Variants in LOXHD1 observed in about 807,000 individuals in gnomAD.
The protein encoded by LOXHD1 is lipoxygenase homology PLAT domains 1.
Under a neutral mutation model 248.2 loss-of-function variants are expected in LOXHD1, and 205 were observed. The observed-to-expected ratio is 0.83, with a 90% CI of 0.74 to 0.93. LOXHD1 has a LOEUF of 0.93. Among genes scored for constraint, LOXHD1 ranks in the 40% least tolerant of loss-of-function variants. The pLI, the probability that LOXHD1 is intolerant of heterozygous loss-of-function variation, is 0.00. For synonymous variants in LOXHD1, 1,113 were observed against 1,162.8 expected (o/e 0.96, Z 0.87); for missense variants, 2,930 against 2,971.6 (o/e 0.99, Z 0.33).
intron 33 of LOXHD1, chr18:46,520,395 G>A (rs546035961): frequency 1.2e-5 from 5 of 427,422 alleles, no homozygotes; most frequent in East Asian, 7.1e-5. Flanking sequence ...CCATAGCCAT[G>A]AGCCAAAAAG....
intron 21 of LOXHD1, among the ~76,000 whole-genome samples, chr18:46,554,543 C>T (rs2037241260): frequency 6.6e-6 from 1 of 152,154 alleles, no homozygotes; most frequent in Admixed American, 6.5e-5. Context: ...TTGCTCTTGG[C>T]TTGAAGATTG....
Position 46,597,981 on chromosome 18 carries a change from C to T in LOXHD1, c.1134+3236G>A, listed in dbSNP as rs144624430. Reference sequence around the variant, plus strand: ...ATGGGGTTTCACCATGTTAGCCAGGCTGGTCTCGATCTCCTGACCTCGTGA... The same window carrying T: ...ATGGGGTTTCACCATGTTAGCCAGGTTGGTCTCGATCTCCTGACCTCGTGA... On this transcript the variant is annotated intron_variant, in intron 8 of 40. Transcript: ENST00000642948. 5.1e-3 allele frequency among the ~76,000 whole-genome samples: 767 copies of T among 150,268 alleles called. 6 individuals carry two copies. Among genetic ancestry groups the T allele is most frequent in the African/African-American group, 0.018 (725 of 40,744 alleles).
At chr18:46,543,074 TG>T (rs1477502673) in intron 23 of LOXHD1, among the ~76,000 whole-genome samples, 1 of 152,198 alleles carries the variant, frequency 6.6e-6, no homozygotes, top group Non-Finnish European at 1.5e-5. Context: ...TTTGGTTACA[TG>T]GGTGAGTTAG....
intron 28 of LOXHD1, among the ~76,000 whole-genome samples, chr18:46,532,934 G>A (rs1568148125): frequency 6.6e-6 from 1 of 152,218 alleles, no homozygotes; most frequent in Non-Finnish European, 1.5e-5. Flanking sequence ...ACAAACCTTG[G>A]AGTGAGACAG....
In LOXHD1 at chr18:46,522,064, G is replaced by C. The variant is rs980901423; in HGVS notation, c.5085+37C>G. On this transcript the variant is annotated intron_variant, in intron 32 of 40. Coordinates refer to ENST00000642948, the MANE Select transcript of LOXHD1 (RefSeq NM_001384474.1). ...AACTGGTCAGCTCTGTCTATCCCTAGGGTGGTCACTATCATGGGGCCCCGA... is the reference window on the plus strand; with the variant it reads ...AACTGGTCAGCTCTGTCTATCCCTACGGTGGTCACTATCATGGGGCCCCGA... 6.7e-6 allele frequency: 10 copies of C among 1,484,598 alleles called. No homozygotes were observed. The African/African-American group carries it at 8.4e-5, about 12-fold the overall frequency. The allele number at this position is 1,484,598 out of a possible 1,614,324, so 92.0% of individuals were successfully genotyped here.
Position 46,579,749 on chromosome 18 carries a change from G to A in LOXHD1, c.1690C>T (p.Leu564Phe), listed in dbSNP as rs1465464286. The A allele has an allele frequency of 3.2e-6, 5 of 1,551,726 alleles. No homozygotes were observed. In the Admixed American group the frequency reaches 9.8e-5, roughly 30 times the overall value. Residue 564 changes from leucine to phenylalanine, a missense_variant, in exon 13 of 41, where the codon CTT (leucine) becomes TTT (phenylalanine). Physicochemically the swap from Leu to Phe is conservative, Grantham distance 22 (BLOSUM62 0). Coordinates refer to ENST00000642948, the MANE Select transcript of LOXHD1 (RefSeq NM_001384474.1). ...RYHVTVCTGE[L>F]EGAGTDANVY... Reference sequence around the variant, plus strand: ...TTGGCATCGGTCCCAGCACCTTCAAGTTCACCTGTGCACACAGTCACATGG... The same window carrying A: ...TTGGCATCGGTCCCAGCACCTTCAAATTCACCTGTGCACACAGTCACATGG...
At chr18:46,542,608 CTGTGT>C in intron 24 of LOXHD1, 114 bp downstream of exon 24, 1 of 1,227,944 alleles carries the variant, frequency 8.1e-7, no homozygotes, top group Non-Finnish European at 1.1e-6. Context: ...ATTAAGGAAG[CTGTGT>C]CATTACAGAA....
chr18:46,481,752 G>A lies in LOXHD1; in HGVS notation c.6341+1835C>T, dbSNP rs149501198. Among the ~76,000 whole-genome samples, 511 of 152,274 alleles carry A rather than the reference G, an allele frequency of 3.4e-3. 1 individual carries two copies. The highest frequency in any genetic ancestry group is 0.012 in the African/African-American group (495 of 41,538). Reference sequence around the variant, plus strand: ...AGGGAAAGATGCTTCAATTAAGAGCGGCTTTTTCTTCTGCAGGATGGAAAA... The same window carrying A: ...AGGGAAAGATGCTTCAATTAAGAGCAGCTTTTTCTTCTGCAGGATGGAAAA... On this transcript the variant is annotated intron_variant, in intron 40 of 40. Transcript: ENST00000642948.
intron 19 of LOXHD1, 35 bp downstream of exon 19, chr18:46,560,048 T>TGCCGGGGG: frequency 3.3e-6 from 4 of 1,226,296 alleles, no homozygotes; most frequent in Non-Finnish European, 4.5e-6. Flanking sequence ...GTCTGGCCAC[T>TGCCGGGGG]CCCTCCCCAC....
intron 20 of LOXHD1, among the ~76,000 whole-genome samples, chr18:46,558,899 A>G (rs576472610): frequency 1.4e-4 from 21 of 150,874 alleles, no homozygotes; most frequent in African/African-American, 5.1e-4. Flanking sequence ...CCCACACCCT[A>G]AATTGTTCTT....
intron 4 of LOXHD1, among the ~76,000 whole-genome samples, chr18:46,632,775 C>T (rs1043044819): frequency 6.6e-6 from 1 of 152,150 alleles, no homozygotes; most frequent in African/African-American, 2.4e-5. Flanking sequence ...CCAGAAGGTG[C>T]CAGGACCCCT....
chr18:46,517,497 G>T (rs1329715662), intron 34 of LOXHD1, among the ~76,000 whole-genome samples: 19 of 152,096 alleles, frequency 1.2e-4, no homozygotes, highest in Non-Finnish European at 2.5e-4. Flanking sequence ...ATCAATACAT[G>T]ACTTATGATA....
At chr18:46,482,377 C>T (rs746951354) in intron 40 of LOXHD1, among the ~76,000 whole-genome samples, 7 of 152,094 alleles carry the variant, frequency 4.6e-5, no homozygotes, top group Non-Finnish European at 8.8e-5. Flanking sequence ...GAAGAGAAAC[C>T]AGAGCTCTCT....
At chr18:46,490,611 G>T (rs1015701034) in intron 37 of LOXHD1, among the ~76,000 whole-genome samples, 2 of 152,130 alleles carry the variant, frequency 1.3e-5, no homozygotes, top group African/African-American at 4.8e-5. Flanking sequence ...AAGTAGCTGG[G>T]ATTACAGGCA....
In LOXHD1 at chr18:46,529,348, A is replaced by T; in HGVS notation, c.4376-17T>A. On this transcript the variant is annotated splice_polypyrimidine_tract_variant and intron_variant, in intron 28 of 40. Coordinates refer to ENST00000642948, the MANE Select transcript of LOXHD1 (RefSeq NM_001384474.1). ...ACAGCACAACTGGGCAGGTGGTGGG[A>T]CAGACAGACAGACAAAGGGAAGAAA... 6.6e-7 allele frequency: 1 copy of T among 1,511,964 alleles called. No homozygotes were observed. 93.7% of individuals were successfully genotyped at this position (1,511,964 alleles called of 1,614,324 possible).
intron 22 of LOXHD1, among the ~76,000 whole-genome samples, chr18:46,546,201 T>C (rs1438644926): frequency 1.4e-5 from 2 of 139,202 alleles, no homozygotes; most frequent in African/African-American, 5.2e-5. Flanking sequence ...TACTGTTCAT[T>C]CTTTCCCTTG....
chr18:46,531,045 C>T (rs964063960), intron 28 of LOXHD1, among the ~76,000 whole-genome samples: 2 of 152,126 alleles, frequency 1.3e-5, no homozygotes, highest in African/African-American at 4.8e-5. Context: ...CAAACCTAAA[C>T]TCTACCCTCT....
intron 8 of LOXHD1, among the ~76,000 whole-genome samples, chr18:46,599,123 TG>T (rs1400185229): frequency 3.3e-5 from 5 of 152,150 alleles, no homozygotes; most frequent in African/African-American, 1.2e-4. Context: ...GAAAACTCAG[TG>T]GCAAAGCCAT....
chr18:46,579,306 G>GC (rs1291328274), intron 13 of LOXHD1, among the ~76,000 whole-genome samples: 7 of 152,314 alleles, frequency 4.6e-5, no homozygotes, highest in African/African-American at 1.7e-4. Flanking sequence ...TCAAAGCTCA[G>GC]GGGTGGGGGA....
Sources: gnomAD v4.1 joint callset for allele counts (sites outside exome capture counted in the v4.1 genomes callset) on GRCh38, gnomAD v4.1.1 for gene constraint, MANE v1.5 for transcripts, NCBI Gene and HGNC (gene_info 2026-07-23, HGNC 2026-07-21) for gene names.